The following H2BC5 variants were observed in gnomAD, a reference collection of about 807,000 sequenced individuals.
H2BC5 encodes histone H2B type 1-D.
A neutral mutation model predicts 5.7 loss-of-function variants in H2BC5; 9 were observed. The observed-to-expected ratio is 1.57, with a 90% CI of 0.95 to 2.74. H2BC5 has a LOEUF of 2.74. H2BC5 is among the 30% of genes most tolerant of loss of function. The probability of loss-of-function intolerance (pLI) is 0.00; values close to 1 mark genes in which losing one functional copy is unlikely to be tolerated. For missense variants in H2BC5, 175 were observed against 168.8 expected (o/e 1.04, Z -0.20); for synonymous variants, 133 against 70.9 (o/e 1.88, Z -4.40).
At chr6:26,162,395 A>G (rs76445476), downstream of H2BC5, among the ~76,000 whole-genome samples, 1,140 of 152,318 alleles carry the variant, frequency 7.5e-3, 8 homozygotes, top group African/African-American at 0.024. Context: ...ACAATATGTC[A>G]CATTAGACAT....
At chr6:26,159,565 C>A (rs1281051536), downstream of H2BC5, among the ~76,000 whole-genome samples, 1 of 151,842 alleles carries the variant, frequency 6.6e-6, no homozygotes, top group Non-Finnish European at 1.5e-5. Flanking sequence ...GGAAAAGAGT[C>A]GGGAGGGAAC....
chr6:26,169,455 A>C (rs956907783), intron 1 of H2BC5, among the ~76,000 whole-genome samples: 2 of 152,256 alleles, frequency 1.3e-5, no homozygotes, highest in Non-Finnish European at 2.9e-5. Flanking sequence ...TCATACAGGA[A>C]CTACCAAATT....
chr6:26,169,456 C>A (rs1416305298), intron 1 of H2BC5, among the ~76,000 whole-genome samples: 1 of 152,176 alleles, frequency 6.6e-6, no homozygotes, highest in African/African-American at 2.4e-5. Flanking sequence ...CATACAGGAA[C>A]TACCAAATTA....
rs182894997 is a variant in H2BC5 at position 26,167,453 on chromosome 6, G to A, written c.*10-3522G>A. 2.4e-4 allele frequency among the ~76,000 whole-genome samples: 37 copies of A among 152,276 alleles called. 1 individual carries two copies. The East Asian group carries it at 6.6e-3, about 27-fold the overall frequency. The stretch of plus-strand genomic sequence containing the variant: ...CAGCCCTCCCCCAGCCTAGACCGCT[G>A]GGGCTCAGATAGAGGTGCTAAGCCC... On this transcript the variant is annotated intron_variant, in intron 1 of 1. Transcript: ENST00000289316.
chr6:26,160,514 G>GAA (rs34183291), downstream of H2BC5, among the ~76,000 whole-genome samples: 594 of 55,100 alleles, frequency 0.011, 11 homozygotes, highest in Non-Finnish European at 0.014. Context: ...TCCTGTCTCT[G>GAA]AAAAAAAAAA....
Position 26,158,607 on chromosome 6 carries a change from A to T in H2BC5, c.*57A>T, listed in dbSNP as rs41266799. ...CCAAAGGCTCTTTTAAGAGCCACGCATGTTTTCAATAAATGAGTTGTAATC... is the reference window on the plus strand; with the variant it reads ...CCAAAGGCTCTTTTAAGAGCCACGCTTGTTTTCAATAAATGAGTTGTAATC... On this transcript the variant is annotated 3_prime_UTR_variant, in exon 1 of 1. Transcript: ENST00000377777. 2,731 of 1,590,746 alleles carry T rather than the reference A, an allele frequency of 1.7e-3. 1 individual carries two copies. The highest frequency in any genetic ancestry group is 2.0e-3 in the Non-Finnish European group (2,322 of 1,169,100).
intron 1 of H2BC5, among the ~76,000 whole-genome samples, chr6:26,168,903 G>C (rs1433027337): frequency 6.6e-6 from 1 of 152,200 alleles, no homozygotes; most frequent in East Asian, 1.9e-4. Flanking sequence ...CAATTCTCTA[G>C]TGCATGATTG....
Position 26,164,155 on chromosome 6 carries a change from C to T in H2BC5, c.*9+5596C>T, listed in dbSNP as rs1355359204. 4 of 447,988 alleles carry T rather than the reference C, an allele frequency of 8.9e-6. No individual in the cohort carries two copies. In the Admixed American group the frequency reaches 9.8e-5, roughly 11 times the overall value. 27.8% of individuals were successfully genotyped at this position (447,988 alleles called of 1,614,324 possible). A position where few individuals can be genotyped will look rare whatever the true frequency, so the allele number is the denominator to read the frequency against. ...CCCCCGTGGGTGAGGAGGCCAACCA[C>T]AAGCAACACTCAGTGGTAGCAGGAG... On this transcript the variant is annotated intron_variant, in intron 1 of 1. Coordinates refer to the H2BC5 transcript ENST00000289316.
chr6:26,169,199 G>T (rs761685688), intron 1 of H2BC5, among the ~76,000 whole-genome samples: 1 of 152,126 alleles, frequency 6.6e-6, no homozygotes, highest in Non-Finnish European at 1.5e-5. Context: ...ATAAAGAAAA[G>T]AAATCAAATA....
At chr6:26,165,849 C>T (rs1340266746) in intron 1 of H2BC5, among the ~76,000 whole-genome samples, 1 of 152,232 alleles carries the variant, frequency 6.6e-6, no homozygotes, top group Non-Finnish European at 1.5e-5. Context: ...GGAGGGAACC[C>T]TGCCAGCTGG....
intron 1 of H2BC5, among the ~76,000 whole-genome samples, chr6:26,170,070 C>T (rs868316213): frequency 3.9e-5 from 6 of 152,074 alleles, no homozygotes; most frequent in African/African-American, 1.4e-4. Flanking sequence ...TAATACCTGT[C>T]AAATAATAAC....
chr6:26,158,949 T>C (rs964034614), downstream of H2BC5, among the ~76,000 whole-genome samples: 30 of 152,214 alleles, frequency 2.0e-4, no homozygotes, highest in Admixed American at 2.6e-4. Flanking sequence ...AACTTCCTTA[T>C]GTTTGGAGCT....
downstream of H2BC5, among the ~76,000 whole-genome samples, chr6:26,159,630 A>T (rs1490717430): frequency 6.6e-6 from 1 of 152,142 alleles, no homozygotes; most frequent in Admixed American, 6.5e-5. Context: ...GAAAAATGTG[A>T]GATGGATGAG....
chr6:26,158,232 G>A lies in H2BC5; in HGVS notation c.63G>A (p.Lys21=), dbSNP rs1191667395. 5 of 1,614,256 alleles carry A rather than the reference G, an allele frequency of 3.1e-6. No homozygotes were observed. Among genetic ancestry groups the A allele is most frequent in the South Asian group, 2.2e-5 (2 of 91,084 alleles). Residue 21 remains lysine, a synonymous_variant, in exon 1 of 1, where the codon AAG becomes AAA. Transcript: ENST00000377777. Reference sequence around the variant, plus strand: ...AGGGCTCCAAGAAGGCGGTGACTAAGGCTCAGAAGAAGGACGGGAAGAAGC... The same window carrying A: ...AGGGCTCCAAGAAGGCGGTGACTAAAGCTCAGAAGAAGGACGGGAAGAAGC... ...PKKGSKKAVT[K]AQKKDGKKRK...
chr6:26,158,798 A>T (rs534965816), downstream of H2BC5, among the ~76,000 whole-genome samples: 2 of 152,248 alleles, frequency 1.3e-5, no homozygotes, highest in Non-Finnish European at 2.9e-5. Flanking sequence ...TTAGTATCAC[A>T]TAACACTAGC....
chr6:26,169,929 AG>A (rs1485401638), intron 1 of H2BC5, among the ~76,000 whole-genome samples: 1 of 152,028 alleles, frequency 6.6e-6, no homozygotes, highest in African/African-American at 2.4e-5. Context: ...AAAAAGAAAA[AG>A]GGGGGTGAGG....
At chr6:26,166,302 C>T (rs1461884354) in intron 1 of H2BC5, among the ~76,000 whole-genome samples, 3 of 152,184 alleles carry the variant, frequency 2.0e-5, no homozygotes, top group Non-Finnish European at 4.4e-5. Context: ...TCCTATGACC[C>T]ATGTCTCAAA....
At chr6:26,161,819 A>G (rs1322177841), downstream of H2BC5, among the ~76,000 whole-genome samples, 2 of 152,150 alleles carry the variant, frequency 1.3e-5, no homozygotes, top group Non-Finnish European at 2.9e-5. Flanking sequence ...TAGTAGTAAA[A>G]TATGATCTGA....
chr6:26,171,044 C>G (rs1764508058), exon 2 of H2BC5: 1 of 152,096 alleles, frequency 6.6e-6, no homozygotes, highest in African/African-American at 2.4e-5. Context: ...ATACATAGAA[C>G]TTAGGAAGTC....
Sources: allele counts gnomAD v4.1 joint callset (sites outside exome capture counted in the v4.1 genomes callset), GRCh38; gene constraint gnomAD v4.1.1; transcripts MANE v1.5; gene names NCBI Gene and HGNC (gene_info 2026-07-23, HGNC 2026-07-21).